The following DPYD variants were observed in gnomAD, a reference collection of about 807,000 sequenced individuals.
DPYD encodes the protein dihydropyrimidine dehydrogenase.
Under a neutral mutation model 116.2 loss-of-function variants are expected in DPYD, and 109 were observed. That is an observed-to-expected ratio of 0.94 (90% CI 0.80 to 1.10). DPYD has a LOEUF of 1.10. DPYD is among the 50% of genes least tolerant of loss of function. DPYD has a pLI of 0.00. For synonymous variants in DPYD, 440 were observed against 432.0 expected, an observed-to-expected ratio of 1.02 and a Z score of -0.23; for missense variants, 1,302 against 1,254.5, an observed-to-expected ratio of 1.04 and a Z score of -0.57.
chr1:97,721,447 T>C lies in DPYD; in HGVS notation c.483+63A>G. ...TCAACAGAGCACCAAGGATTAAAGT[T>C]ATTTTAAGATATTTGTGCATGGTGA... is the stretch of plus-strand genomic sequence containing the variant. On this transcript the variant is annotated intron_variant, in intron 5 of 22. Coordinates refer to ENST00000370192, the MANE Select transcript of DPYD (RefSeq NM_000110.4). The C allele has an allele frequency of 2.5e-6, 4 of 1,593,932 alleles. No homozygotes were observed. The Admixed American group carries it at 5.0e-5, about 20-fold the overall frequency.
At chr1:97,225,055 A>ATTTG (rs1553236877) in intron 19 of DPYD, among the ~76,000 whole-genome samples, 12 of 141,014 alleles carry the variant, frequency 8.5e-5, no homozygotes, top group African/African-American at 2.9e-4. Context: ...CTATCTATCT[A>ATTTG]TCTGTCTATC....
intron 18 of DPYD, among the ~76,000 whole-genome samples, chr1:97,304,054 T>G (rs907093596): frequency 6.6e-6 from 1 of 152,034 alleles, no homozygotes; most frequent in Non-Finnish European, 1.5e-5. Context: ...AAAACATGAA[T>G]GGTGTTACTT....
At chr1:97,376,573 C>T (rs1258845686) in intron 15 of DPYD, among the ~76,000 whole-genome samples, 1 of 152,072 alleles carries the variant, frequency 6.6e-6, no homozygotes, top group Admixed American at 6.6e-5. Flanking sequence ...TCTCAGGATG[C>T]ACACCACCTT....
chr1:97,685,122 C>T (rs1660647408), intron 7 of DPYD, among the ~76,000 whole-genome samples: 2 of 152,158 alleles, frequency 1.3e-5, no homozygotes, highest in Non-Finnish European at 2.9e-5. Flanking sequence ...TGAAATTCAG[C>T]AGCATATAAA....
intron 16 of DPYD, among the ~76,000 whole-genome samples, chr1:97,341,212 G>T (rs1042565325): frequency 1.3e-5 from 2 of 152,120 alleles, no homozygotes; most frequent in African/African-American, 2.4e-5. Context: ...CATAGCAAAA[G>T]GAGCTGATTA....
intron 6 of DPYD, among the ~76,000 whole-genome samples, chr1:97,697,267 T>C (rs1391543821): frequency 6.6e-6 from 1 of 151,574 alleles, no homozygotes; most frequent in Non-Finnish European, 1.5e-5. Context: ...AGTGATTTCT[T>C]AAAAAGTGGT....
chr1:97,256,299 C>G (rs770404031), intron 18 of DPYD, among the ~76,000 whole-genome samples: 5 of 151,884 alleles, frequency 3.3e-5, no homozygotes, highest in South Asian at 2.1e-4. Context: ...CTTCCTCATC[C>G]TTCCTTCTCT....
At chr1:97,533,029 T>A (rs1418501530) in intron 12 of DPYD, among the ~76,000 whole-genome samples, 1 of 151,968 alleles carries the variant, frequency 6.6e-6, no homozygotes, top group Non-Finnish European at 1.5e-5. Context: ...CTATAAAACA[T>A]CTCTTAGTAC....
At chr1:97,886,154 G>T (rs972395899) in intron 1 of DPYD, among the ~76,000 whole-genome samples, 1 of 152,116 alleles carries the variant, frequency 6.6e-6, no homozygotes, top group African/African-American at 2.4e-5. Flanking sequence ...TATGGCATTT[G>T]AAGTATAACC....
chr1:97,521,553 A>G (rs1223488350), intron 12 of DPYD, among the ~76,000 whole-genome samples: 2 of 152,172 alleles, frequency 1.3e-5, no homozygotes, highest in East Asian at 3.9e-4. Context: ...AATTAGAAAA[A>G]AGTACTTTAA....
intron 3 of DPYD, among the ~76,000 whole-genome samples, chr1:97,750,341 A>T (rs1664800502): frequency 1.3e-5 from 2 of 152,140 alleles, no homozygotes; most frequent in South Asian, 4.1e-4. Flanking sequence ...TAAATAAAAT[A>T]GGTTATTTGT....
intron 8 of DPYD, among the ~76,000 whole-genome samples, chr1:97,647,666 C>A (rs1386923055): frequency 6.6e-6 from 1 of 151,910 alleles, no homozygotes; most frequent in Non-Finnish European, 1.5e-5. Context: ...TCTCTAATTA[C>A]TGACTTGTTA....
At chr1:97,497,451 C>T (rs1281505456) in intron 13 of DPYD, among the ~76,000 whole-genome samples, 1 of 151,674 alleles carries the variant, frequency 6.6e-6, no homozygotes, top group Non-Finnish European at 1.5e-5. Flanking sequence ...CCCCTGATGA[C>T]CACACTTTCT....
At chr1:97,182,942 T>G (rs955932625) in intron 20 of DPYD, among the ~76,000 whole-genome samples, 5 of 152,158 alleles carry the variant, frequency 3.3e-5, no homozygotes, top group African/African-American at 1.2e-4. Context: ...AAGTTCTTCA[T>G]GAGATACAAG....
chr1:97,238,597 G>A (rs1369294539), intron 18 of DPYD, among the ~76,000 whole-genome samples: 1 of 152,064 alleles, frequency 6.6e-6, no homozygotes, highest in Non-Finnish European at 1.5e-5. Context: ...ATACAAAATT[G>A]TACATATGCC....
rs1388141316 is a variant in DPYD, at chr1:97,078,089, A to T, written c.*887T>A. 6.6e-6 allele frequency: 1 copy of T among 152,200 alleles called. No homozygotes were observed. Among genetic ancestry groups the T allele is most frequent in the African/African-American group, 2.4e-5 (1 of 41,458 alleles). The allele number at this position is 152,200 out of a possible 1,614,324, so 9.4% of individuals were successfully genotyped here. A position where few individuals can be genotyped will look rare whatever the true frequency, so the allele number is the denominator to read the frequency against. On this transcript the variant is annotated 3_prime_UTR_variant, in exon 23 of 23. Coordinates refer to ENST00000370192, the MANE Select transcript of DPYD (RefSeq NM_000110.4). ...TTGGCACACTTAATATATATTATCAACATTATATTTTTCATTCTTGAATAA... is the reference window on the plus strand; with the variant it reads ...TTGGCACACTTAATATATATTATCATCATTATATTTTTCATTCTTGAATAA...
chr1:97,530,752 T>C (rs1649558035), intron 12 of DPYD, among the ~76,000 whole-genome samples: 1 of 152,210 alleles, frequency 6.6e-6, no homozygotes, highest in Non-Finnish European at 1.5e-5. Context: ...AACAGTTGTA[T>C]AAGGGTTTCA....
chr1:97,530,685 T>A (rs1649552216), intron 12 of DPYD, among the ~76,000 whole-genome samples: 1 of 152,316 alleles, frequency 6.6e-6, no homozygotes, highest in African/African-American at 2.4e-5. Flanking sequence ...TATTTTAAAT[T>A]TTTTGAGAAA....
intron 1 of DPYD, among the ~76,000 whole-genome samples, chr1:97,886,313 C>G (rs74439783): frequency 0.031 from 4,655 of 152,150 alleles, 102 homozygotes; most frequent in South Asian, 0.078. Context: ...TTCTCTCTCC[C>G]CCATGCTACA....
Sources: allele counts gnomAD v4.1 joint callset (sites outside exome capture counted in the v4.1 genomes callset), GRCh38; gene constraint gnomAD v4.1.1; transcripts MANE v1.5; gene names NCBI Gene and HGNC (gene_info 2026-07-23, HGNC 2026-07-21).